The following DMRTB1 variants were observed in gnomAD, a reference collection of about 807,000 sequenced individuals.
DMRTB1 encodes the protein DMRT like family B with proline rich C-terminal 1.
DMRTB1 carries 9 observed loss-of-function variants against 25.2 expected under a neutral mutation model. The ratio of observed to expected loss-of-function variants is 0.36; its 90% CI spans 0.22 to 0.62. DMRTB1 has a LOEUF of 0.62. Among genes scored for constraint, DMRTB1 ranks in the 20% least tolerant of loss-of-function variants. The pLI is 0.71. For missense variants in DMRTB1, 551 were observed against 499.3 expected (o/e 1.10, Z -0.99); for synonymous variants, 269 against 238.1 (o/e 1.13, Z -1.20).
chr1:53,459,918 C>G lies in DMRTB1; in HGVS notation c.465C>G (p.Pro155=). 6.4e-7 allele frequency: 1 copy of G among 1,554,496 alleles called. No homozygotes were observed. The highest frequency in any genetic ancestry group is 1.2e-5 in the South Asian group (1 of 86,158). Residue 155 remains proline, a synonymous_variant, in exon 1 of 4, where the codon CCC becomes CCG. Transcript: ENST00000371445. ...GCGAGCGAGCCGCCGTGGCGATGCC[C>G]AGCCTTGCGGGACCCCCTTTTGGGG... is the stretch of plus-strand genomic sequence containing the variant. The part of the protein sequence containing the change: ...EPSERAAVAM[P]SLAGPPFGAE...
At chr1:53,462,739 G>A (rs1427326884) in intron 2 of DMRTB1, among the ~76,000 whole-genome samples, 22 of 152,210 alleles carry the variant, frequency 1.4e-4, no homozygotes, top group East Asian at 1.9e-4. Flanking sequence ...GAGCCGGGTC[G>A]TGCACCTCAG....
chr1:53,462,352 CCT>C (rs1404744352), intron 2 of DMRTB1, among the ~76,000 whole-genome samples: 1 of 152,064 alleles, frequency 6.6e-6, no homozygotes, highest in Non-Finnish European at 1.5e-5. Flanking sequence ...CTAAAAGCCC[CCT>C]CTCTCCTTAA....
intron 1 of DMRTB1, 52 bp downstream of exon 1, chr1:53,460,082 C>T: frequency 6.7e-7 from 1 of 1,496,986 alleles, no homozygotes; most frequent in Non-Finnish European, 8.8e-7. Flanking sequence ...GCAGCCCAGG[C>T]CAGCCCGGAT....
At chr1:53,461,434 G>A (rs374212723) in intron 1 of DMRTB1, 39 bp from the exon 2 acceptor site, 3 of 1,523,646 alleles carry the variant, frequency 2.0e-6, no homozygotes, top group African/African-American at 2.8e-5. Flanking sequence ...GCTTTTCCCA[G>A]CGGTGTCTAA....
Position 53,459,933 on chromosome 1 carries a change from C to A in DMRTB1, c.480C>A (p.Pro160=), listed in dbSNP as rs1644009762. 2.6e-6 allele frequency: 4 copies of A among 1,564,456 alleles called. No homozygotes were observed. The highest frequency in any genetic ancestry group is 2.3e-5 in the South Asian group (2 of 87,136). The change falls in exon 1 of 4, where the codon CCC becomes CCA. Residue 160 remains proline (P), a synonymous_variant. Coordinates refer to ENST00000371445, the MANE Select transcript of DMRTB1 (RefSeq NM_033067.3). ...TGGCGATGCCCAGCCTTGCGGGACC[C>A]CCTTTTGGGGCGGAGGCCGCAGGCA... ...AAVAMPSLAG[P]PFGAEAAGSG... is the part of the protein sequence containing the mutation.
Position 53,464,810 on chromosome 1 carries a change from A to C in DMRTB1, c.924A>C (p.Ser308=). 1 of 1,612,874 alleles carries C rather than the reference A, an allele frequency of 6.2e-7. No homozygotes were observed. Among genetic ancestry groups the C allele is most frequent in the Non-Finnish European group, 8.5e-7 (1 of 1,179,806 alleles). The change falls in exon 3 of 4, where the codon TCA becomes TCC. Residue 308 remains serine, a synonymous_variant. Transcript: ENST00000371445. The stretch of plus-strand genomic sequence containing the variant: ...CACCACCACCTCCATCATCTTTCTC[A>C]CTGACCGTCCTGTTTGATACTGACA... ...PPPPPPPSSF[S]LTVLFDTDKE...
Position 53,459,752 on chromosome 1 carries a change from C to G in DMRTB1, c.299C>G (p.Pro100Arg), listed in dbSNP as rs916468382. 22 of 1,362,390 alleles carry G rather than the reference C, an allele frequency of 1.6e-5. No individual in the cohort carries two copies. In the Admixed American group the frequency reaches 3.5e-4, roughly 22 times the overall value. 84.4% of individuals were successfully genotyped at this position (1,362,390 alleles called of 1,614,324 possible). A position where few individuals can be genotyped will look rare whatever the true frequency, so the allele number is the denominator to read the frequency against. ...GCCGCGAGCCTCCGCCCGCTGTCCC[C>G]GGGGACTCCCTCCGGAGACGCCGAC... is the stretch of plus-strand genomic sequence containing the variant. The part of the protein sequence containing the change: ...VPAASLRPLS[P>R]GTPSGDADPG... The change falls in exon 1 of 4, where the codon CCG becomes CGG. Residue 100 changes from proline (P) to arginine (R), a missense_variant. By Grantham distance (103) the Pro-to-Arg change is moderately radical (BLOSUM62 -2). Coordinates refer to ENST00000371445, the MANE Select transcript of DMRTB1 (RefSeq NM_033067.3).
At chr1:53,466,280 C>T (rs1266198327) in intron 3 of DMRTB1, among the ~76,000 whole-genome samples, 1 of 152,188 alleles carries the variant, frequency 6.6e-6, no homozygotes, top group African/African-American at 2.4e-5. Flanking sequence ...CACCTGAGGT[C>T]AGGAGTTCAA....
chr1:53,461,334 T>G, intron 1 of DMRTB1, 139 bp from the exon 2 acceptor site: 1 of 864,074 alleles, frequency 1.2e-6, no homozygotes, highest in Non-Finnish European at 1.7e-6. Flanking sequence ...GGAGATGCAG[T>G]GAGGGCCCAG....
intron 1 of DMRTB1, chr1:53,460,343 C>T (rs1644013930): frequency 3.9e-6 from 1 of 256,956 alleles, no homozygotes; most frequent in Non-Finnish European, 7.4e-6. Context: ...GGGGAGGCTT[C>T]GAGGAGCCGA....
Position 53,459,658 on chromosome 1 carries a change from C to G in DMRTB1, c.205C>G (p.Leu69Val). 6.5e-7 allele frequency: 1 copy of G among 1,550,038 alleles called. No homozygotes were observed. The highest frequency in any genetic ancestry group is 8.7e-7 in the Non-Finnish European group (1 of 1,147,944). The change falls in exon 1 of 4, where the codon CTG becomes GTG. Residue 69 changes from leucine to valine, a missense_variant. Leu to Val is a conservative substitution (Grantham distance 32). Transcript: ENST00000371445. ...QAAEEEQEAALCAQGPKQASG... is the reference protein window; with the variant it reads ...QAAEEEQEAAVCAQGPKQASG... ...CGCCGAGGAGGAGCAGGAGGCGGCC[C>G]TGTGTGCGCAGGGGCCCAAGCAGGC...
rs1399002150 is a variant in DMRTB1, at chr1:53,467,272, C to T, written c.*610C>T. 6.5e-6 allele frequency: 1 copy of T among 152,804 alleles called. No individual in the cohort carries two copies. Among genetic ancestry groups the T allele is most frequent in the East Asian group, 1.9e-4 (1 of 5,196 alleles). The allele number at this position is 152,804 out of a possible 1,614,324, so 9.5% of individuals were successfully genotyped here. A position where few individuals can be genotyped will look rare whatever the true frequency, so the allele number is the denominator to read the frequency against. On this transcript the variant is annotated 3_prime_UTR_variant, in exon 4 of 4. Transcript: ENST00000371445. ...TGGCTGCTGGGGCTACTTCATTCCCCCTCCATAAAGTTTCAGCCATTATGG... is the reference window on the plus strand; with the variant it reads ...TGGCTGCTGGGGCTACTTCATTCCCTCTCCATAAAGTTTCAGCCATTATGG...
Position 53,459,624 on chromosome 1 carries a change from G to A in DMRTB1, c.171G>A (p.Lys57=), listed in dbSNP as rs762119432. 3.4e-5 allele frequency: 54 copies of A among 1,570,766 alleles called. No homozygotes were observed. The highest frequency in any genetic ancestry group is 4.5e-5 in the Non-Finnish European group (52 of 1,158,958). ...QKIMAAQKVL[K]TQAAEEEQEA... is the part of the protein sequence containing the mutation. Reference sequence around the variant, plus strand: ...TCATGGCCGCGCAGAAGGTGCTCAAGACGCAGGCCGCCGAGGAGGAGCAGG... The same window carrying A: ...TCATGGCCGCGCAGAAGGTGCTCAAAACGCAGGCCGCCGAGGAGGAGCAGG... The change falls in exon 1 of 4, where the codon AAG becomes AAA. Residue 57 remains lysine, a synonymous_variant. Coordinates refer to ENST00000371445, the MANE Select transcript of DMRTB1 (RefSeq NM_033067.3).
Position 53,459,621 on chromosome 1 carries a change from C to T in DMRTB1, c.168C>T (p.Leu56=). The change falls in exon 1 of 4, where the codon CTC becomes CTT. Residue 56 remains leucine (L), a synonymous_variant. Transcript: ENST00000371445. ...AGATCATGGCCGCGCAGAAGGTGCT[C>T]AAGACGCAGGCCGCCGAGGAGGAGC... The part of the protein sequence containing the change: ...RQKIMAAQKV[L]KTQAAEEEQE... The T allele has an allele frequency of 1.3e-6, 2 of 1,575,268 alleles. No individual in the cohort carries two copies. Among genetic ancestry groups the T allele is most frequent in the South Asian group, 1.2e-5 (1 of 86,608 alleles).
chr1:53,464,997 C>A, intron 3 of DMRTB1, 150 bp downstream of exon 3: 2 of 1,074,702 alleles, frequency 1.9e-6, no homozygotes, highest in East Asian at 2.4e-5. Context: ...TTCTTACACC[C>A]TTCCTCCAGT....
In DMRTB1 at chr1:53,466,900, T is replaced by A. The variant is rs1644053432; in HGVS notation, c.*238T>A. 1 of 529,816 alleles carries A rather than the reference T, an allele frequency of 1.9e-6. No homozygotes were observed. The highest frequency in any genetic ancestry group is 3.3e-6 in the Non-Finnish European group (1 of 302,300). 32.8% of individuals were successfully genotyped at this position (529,816 alleles called of 1,614,324 possible). A position where few individuals can be genotyped will look rare whatever the true frequency, so the allele number is the denominator to read the frequency against. On this transcript the variant is annotated 3_prime_UTR_variant, in exon 4 of 4. Coordinates refer to ENST00000371445, the MANE Select transcript of DMRTB1 (RefSeq NM_033067.3). ...AGGGGAGGGCCAGGGCTCTGAGGAG[T>A]GGGCGCTGGGAGAAGCTCCCATTTA...
Position 53,464,810 on chromosome 1 carries a change from A to G in DMRTB1, c.924A>G (p.Ser308=). The G allele has an allele frequency of 1.2e-6, 2 of 1,612,874 alleles. No homozygotes were observed. Among genetic ancestry groups the G allele is most frequent in the Non-Finnish European group, 1.7e-6 (2 of 1,179,806 alleles). ...CACCACCACCTCCATCATCTTTCTCACTGACCGTCCTGTTTGATACTGACA... is the reference window on the plus strand; with the variant it reads ...CACCACCACCTCCATCATCTTTCTCGCTGACCGTCCTGTTTGATACTGACA... ...PPPPPPPSSF[S]LTVLFDTDKE... The change falls in exon 3 of 4, where the codon TCA becomes TCG. Residue 308 remains serine (S), a synonymous_variant. Coordinates refer to ENST00000371445, the MANE Select transcript of DMRTB1 (RefSeq NM_033067.3).
Position 53,459,731 on chromosome 1 carries a change from C to T in DMRTB1, c.278C>T (p.Ala93Val), listed in dbSNP as rs1303466257. The T allele has an allele frequency of 1.1e-5, 15 of 1,362,000 alleles. No individual in the cohort carries two copies. The African/African-American group carries it at 1.3e-4, about 11-fold the overall frequency. The allele number at this position is 1,362,000 out of a possible 1,614,324, so 84.4% of individuals were successfully genotyped here. The part of the protein sequence containing the change: ...AAPAPVPVPA[A>V]SLRPLSPGTP... ...CCCGCCCCCGTCCCCGTCCCGGCCGCGAGCCTCCGCCCGCTGTCCCCGGGG... is the reference window on the plus strand; with the variant it reads ...CCCGCCCCCGTCCCCGTCCCGGCCGTGAGCCTCCGCCCGCTGTCCCCGGGG... Residue 93 changes from alanine (A) to valine (V), a missense_variant, in exon 1 of 4, where the codon GCG (alanine) becomes GTG (valine). Physicochemically the swap from Ala to Val is moderately conservative, Grantham distance 64. Coordinates refer to ENST00000371445, the MANE Select transcript of DMRTB1 (RefSeq NM_033067.3).
intron 2 of DMRTB1, among the ~76,000 whole-genome samples, chr1:53,463,407 C>T (rs1018635846): frequency 2.6e-5 from 4 of 152,176 alleles, no homozygotes; most frequent in Middle Eastern, 3.2e-3. Context: ...GTCCCAGCCA[C>T]GTGACCCGTG....
Sources: allele counts gnomAD v4.1 joint callset (sites outside exome capture counted in the v4.1 genomes callset), GRCh38; gene constraint gnomAD v4.1.1; transcripts MANE v1.5; gene names NCBI Gene and HGNC (gene_info 2026-07-23, HGNC 2026-07-21).